PAFAH1B2: variants seen among roughly 807,000 people sequenced by gnomAD.
The protein encoded by PAFAH1B2 is platelet-activating factor acetylhydrolase IB subunit alpha2.
Under a neutral mutation model 28.0 loss-of-function variants are expected in PAFAH1B2, and 8 were observed. The ratio of observed to expected loss-of-function variants is 0.29; its 90% CI spans 0.17 to 0.52. PAFAH1B2 has a LOEUF of 0.52. Ranked by LOEUF, PAFAH1B2 falls within the 20% of genes least tolerant of loss-of-function variation. The probability of loss-of-function intolerance (pLI) is 0.97; values close to 1 mark genes in which losing one functional copy is unlikely to be tolerated. For synonymous variants in PAFAH1B2, 104 were observed against 103.2 expected, an observed-to-expected ratio of 1.01 and a Z score of -0.05; for missense variants, 190 against 282.6, an observed-to-expected ratio of 0.67 and a Z score of 2.35.
At chr11:117,165,592 AATT>A (rs1056262911) in intron 5 of PAFAH1B2, among the ~76,000 whole-genome samples, 4 of 152,196 alleles carry the variant, frequency 2.6e-5, no homozygotes, top group Non-Finnish European at 4.4e-5. Context: ...AGCAACACAG[AATT>A]ATTATACTGT....
intron 2 of PAFAH1B2, chr11:117,159,604 A>G: frequency 4.5e-6 from 1 of 223,734 alleles, no homozygotes; most frequent in Non-Finnish European, 8.9e-6. Flanking sequence ...GCATGGTGGC[A>G]TGAGCCTATA....
At chr11:117,150,877 A>G (rs1363516109) in intron 1 of PAFAH1B2, among the ~76,000 whole-genome samples, 1 of 151,856 alleles carries the variant, frequency 6.6e-6, no homozygotes. Flanking sequence ...AGTCCCAGCT[A>G]CTTGGGAGGC....
At chr11:117,156,134 G>A (rs1481012556) in intron 2 of PAFAH1B2, among the ~76,000 whole-genome samples, 1 of 152,218 alleles carries the variant, frequency 6.6e-6, no homozygotes, top group African/African-American at 2.4e-5. Flanking sequence ...ACTGTAGTAA[G>A]CTGTGATCAT....
At position 117,166,226 on chromosome 11, in the gene PAFAH1B2, G is replaced by A. The variant is rs7109311; in HGVS notation, c.412-1195G>A. 4.8e-3 allele frequency among the ~76,000 whole-genome samples: 726 copies of A among 152,224 alleles called. 7 individuals carry two copies. The highest frequency in any genetic ancestry group is 0.017 in the Middle Eastern group (5 of 294). ...GGGGCCAGATCTTTTTTATTACAAG[G>A]CATTTCATTTACTTGTTGAGGTACT... On this transcript the variant is annotated intron_variant, in intron 5 of 5. Coordinates refer to ENST00000527958, the MANE Select transcript of PAFAH1B2 (RefSeq NM_002572.4).
downstream of PAFAH1B2, chr11:117,175,297 T>G (rs561149789): frequency 2.0e-3 from 2,155 of 1,072,306 alleles, 3 homozygotes; most frequent in Non-Finnish European, 2.3e-3. Context: ...GACACACCAC[T>G]GCCTTTTTTT....
intron 1 of PAFAH1B2, among the ~76,000 whole-genome samples, chr11:117,149,980 C>T (rs1035808014): frequency 3.3e-5 from 5 of 151,862 alleles, no homozygotes; most frequent in African/African-American, 1.2e-4. Flanking sequence ...GCCTGTAGTC[C>T]TGGCTACAGG....
At chr11:117,151,263 T>C (rs1956144779) in intron 1 of PAFAH1B2, among the ~76,000 whole-genome samples, 1 of 145,438 alleles carries the variant, frequency 6.9e-6, no homozygotes, top group Non-Finnish European at 1.5e-5. Context: ...GGAGTCTGGC[T>C]CTGTCACCCA....
chr11:117,168,444 CCGTTTTT>C lies in PAFAH1B2; in HGVS notation c.*746_*752del. The C allele has an allele frequency of 4.6e-6, 2 of 438,200 alleles. No individual in the cohort carries two copies. The highest frequency in any genetic ancestry group is 5.4e-6 in the Non-Finnish European group (2 of 370,334). The allele number at this position is 438,200 out of a possible 1,614,324, so 27.1% of individuals were successfully genotyped here. A position where few individuals can be genotyped will look rare whatever the true frequency, so the allele number is the denominator to read the frequency against. ...TTTCCCCTTCATTCCCCCCGCCACC[CCGTTTTT>C]TTTTTTTTTTTTTTTTTTTTGGTTC... On this transcript the variant is annotated 3_prime_UTR_variant, in exon 6 of 6. Transcript: ENST00000527958.
chr11:117,168,094 G>A lies in PAFAH1B2; in HGVS notation c.*395G>A. The A allele has an allele frequency of 9.5e-7, 1 of 1,055,928 alleles. No homozygotes were observed. The highest frequency in any genetic ancestry group is 1.1e-6 in the Non-Finnish European group (1 of 872,600). 65.4% of individuals were successfully genotyped at this position (1,055,928 alleles called of 1,614,324 possible). A position where few individuals can be genotyped will look rare whatever the true frequency, so the allele number is the denominator to read the frequency against. ...ATAATTATCAGAATCATTCTACTTG[G>A]CTTTAAAACATGTTTTCTCCAATTT... On this transcript the variant is annotated 3_prime_UTR_variant, in exon 6 of 6. Transcript: ENST00000527958.
chr11:117,172,572 C>T (rs1591759527), downstream of PAFAH1B2, among the ~76,000 whole-genome samples: 1 of 152,052 alleles, frequency 6.6e-6, no homozygotes, highest in East Asian at 1.9e-4. Context: ...GACCTGGCCT[C>T]TTTAATTTGT....
At chr11:117,174,288 A>AT (rs556881196), downstream of PAFAH1B2, among the ~76,000 whole-genome samples, 304 of 150,974 alleles carry the variant, frequency 2.0e-3, 5 homozygotes, top group Middle Eastern at 3.4e-3. Flanking sequence ...GGTTCAAGTG[A>AT]TTCTCCTGCC....
At chr11:117,161,375 T>C in intron 4 of PAFAH1B2, 114 bp downstream of exon 4, 1 of 618,776 alleles carries the variant, frequency 1.6e-6, no homozygotes, top group South Asian at 2.4e-5. Context: ...CACTATTTTT[T>C]TCGTGCCTCT....
chr11:117,177,692 G>A (rs368545746), downstream of PAFAH1B2, among the ~76,000 whole-genome samples: 14 of 152,112 alleles, frequency 9.2e-5, no homozygotes, highest in East Asian at 1.9e-4. Flanking sequence ...GCGTCACCAC[G>A]CCCCACTAAT....
intron 1 of PAFAH1B2, among the ~76,000 whole-genome samples, chr11:117,146,114 CTT>C (rs376242740): frequency 0.72 from 99,504 of 137,904 alleles, 35,932 homozygotes; most frequent in Non-Finnish European, 0.8. Flanking sequence ...GTCTTTCTTT[CTT>C]TTTTTTTTTT....
chr11:117,146,426 A>T (rs1956010920), intron 1 of PAFAH1B2, among the ~76,000 whole-genome samples: 1 of 152,114 alleles, frequency 6.6e-6, no homozygotes, highest in African/African-American at 2.4e-5. Context: ...GGTAGCTCTT[A>T]GTTCGTTCTT....
chr11:117,151,943 G>A (rs1283557331), intron 1 of PAFAH1B2, among the ~76,000 whole-genome samples: 3 of 151,814 alleles, frequency 2.0e-5, no homozygotes, highest in Non-Finnish European at 4.4e-5. Context: ...TCCTGACCTC[G>A]TGATCCACCT....
chr11:117,166,645 A>G (rs7112513), intron 5 of PAFAH1B2, among the ~76,000 whole-genome samples: 127,783 of 152,160 alleles, frequency 0.84, 54,265 homozygotes, highest in Non-Finnish European at 0.89. Context: ...GGGCTACAAG[A>G]AGACAAAATT....
chr11:117,170,413 C>G lies in PAFAH1B2; in HGVS notation c.*2714C>G, dbSNP rs1182676266. 3.8e-6 allele frequency: 4 copies of G among 1,058,934 alleles called. No homozygotes were observed. Among genetic ancestry groups the G allele is most frequent in the Non-Finnish European group, 4.6e-6 (4 of 876,358 alleles). 65.6% of individuals were successfully genotyped at this position (1,058,934 alleles called of 1,614,324 possible). On this transcript the variant is annotated 3_prime_UTR_variant, in exon 6 of 6. Coordinates refer to ENST00000527958, the MANE Select transcript of PAFAH1B2 (RefSeq NM_002572.4). ...GTCTGTGGTCATATGTTGAATGTGG[C>G]AGCTTGAAGATGTACTGCCACGGGT...
At chr11:117,163,699 T>C in intron 4 of PAFAH1B2, 71 bp from the exon 5 acceptor site, 1 of 1,414,560 alleles carries the variant, frequency 7.1e-7, no homozygotes, top group South Asian at 1.3e-5. Context: ...AAGATTTTCA[T>C]CTAAATGTTG....
Sources: allele counts gnomAD v4.1 joint callset (sites outside exome capture counted in the v4.1 genomes callset), GRCh38; gene constraint gnomAD v4.1.1; transcripts MANE v1.5; gene names NCBI Gene and HGNC (gene_info 2026-07-23, HGNC 2026-07-21).